The following GXYLT1 variants were observed in gnomAD, a reference collection of about 807,000 sequenced individuals.
GXYLT1 encodes the protein glycosyltransferase 8 domain containing 3.
Under a neutral mutation model 54.0 loss-of-function variants are expected in GXYLT1, and 29 were observed. That is an observed-to-expected ratio of 0.54 (90% CI 0.40 to 0.73). The LOEUF (loss-of-function observed/expected upper bound fraction) is 0.73, where lower values mean the gene tolerates loss of function less well. Among genes scored for constraint, GXYLT1 ranks in the 30% least tolerant of loss-of-function variants. The pLI is 0.00. For synonymous variants in GXYLT1, 176 were observed against 204.1 expected (o/e 0.86, Z 1.17); for missense variants, 490 against 553.4 (o/e 0.89, Z 1.15).
intron 5 of GXYLT1, among the ~76,000 whole-genome samples, chr12:42,103,417 A>G (rs2065401522): frequency 6.6e-6 from 1 of 152,274 alleles, no homozygotes; most frequent in South Asian, 2.1e-4. Context: ...CCATGAAGCA[A>G]CAATCGTGGA....
At chr12:42,124,439 T>C (rs908801076) in intron 2 of GXYLT1, among the ~76,000 whole-genome samples, 4 of 152,082 alleles carry the variant, frequency 2.6e-5, no homozygotes, top group Non-Finnish European at 4.4e-5. Context: ...CATATTATTC[T>C]AAGAGTTCAT....
At chr12:42,094,454 T>C (rs1182027273) in intron 7 of GXYLT1, among the ~76,000 whole-genome samples, 7 of 151,676 alleles carry the variant, frequency 4.6e-5, no homozygotes, top group Non-Finnish European at 8.8e-5. Flanking sequence ...GCTCGGTAAT[T>C]CAAGACCAGC....
intron 2 of GXYLT1, among the ~76,000 whole-genome samples, chr12:42,128,247 T>TG (rs2136914131): frequency 6.6e-6 from 1 of 152,316 alleles, no homozygotes; most frequent in East Asian, 1.9e-4. Context: ...AGAATAGGTT[T>TG]TAAATGTGCC....
Position 42,109,682 on chromosome 12 carries a change from A to G in GXYLT1, c.496T>C (p.Trp166Arg). The change falls in exon 4 of 8, where the codon TGG (tryptophan) becomes CGG (arginine). Residue 166 changes from tryptophan to arginine, a missense_variant. Trp to Arg is a moderately radical substitution (Grantham distance 101). Coordinates refer to ENST00000398675, the MANE Select transcript of GXYLT1 (RefSeq NM_173601.2). Reference protein sequence around the residue: ...HHSFKGRLDNWSFLQTFNYTL... With the variant: ...HHSFKGRLDNRSFLQTFNYTL... ...TAATTAAATGTTTGTAGAAATGACCAGTTGTCAAGCTAAAACAATTTAAAA... is the reference window on the plus strand; with the variant it reads ...TAATTAAATGTTTGTAGAAATGACCGGTTGTCAAGCTAAAACAATTTAAAA... 1 of 1,519,992 alleles carries G rather than the reference A, an allele frequency of 6.6e-7. No homozygotes were observed. Among genetic ancestry groups the G allele is most frequent in the Non-Finnish European group, 9.0e-7 (1 of 1,117,298 alleles). The allele number at this position is 1,519,992 out of a possible 1,614,324, so 94.2% of individuals were successfully genotyped here.
At position 42,144,653 on chromosome 12, in the gene GXYLT1, G is replaced by C; in HGVS notation, c.-7C>G. Reference sequence around the variant, plus strand: ...CGCGCAGGTAGCGCCGCATCGCCCCGGCCGCGCTCCTCCTTCGCCGCCGCC... The same window carrying C: ...CGCGCAGGTAGCGCCGCATCGCCCCCGCCGCGCTCCTCCTTCGCCGCCGCC... On this transcript the variant is annotated 5_prime_UTR_variant, in exon 1 of 8. Transcript: ENST00000398675. 1 of 1,377,602 alleles carries C rather than the reference G, an allele frequency of 7.3e-7. No individual in the cohort carries two copies. The highest frequency in any genetic ancestry group is 9.6e-7 in the Non-Finnish European group (1 of 1,039,600). The allele number at this position is 1,377,602 out of a possible 1,614,324, so 85.3% of individuals were successfully genotyped here.
intron 4 of GXYLT1, among the ~76,000 whole-genome samples, chr12:42,107,496 G>A (rs568297213): frequency 5.3e-5 from 8 of 152,272 alleles, no homozygotes; most frequent in African/African-American, 1.9e-4. Flanking sequence ...TTCGAGACCA[G>A]CCTGACCAAT....
chr12:42,088,900 C>CCACTGCAGTCCGCAGTCCGGCCTGGGCG (rs2065313228), intron 7 of GXYLT1, among the ~76,000 whole-genome samples: 2 of 39,650 alleles, frequency 5.0e-5, no homozygotes, highest in African/African-American at 6.3e-5. Context: ...CCACCCCAAG[C>CCACTGCAGTCCGCAGTCCGGCCTGGGCG]ACACTTAGTG....
intron 2 of GXYLT1, among the ~76,000 whole-genome samples, chr12:42,125,254 T>A (rs575951655): frequency 2.0e-5 from 3 of 152,154 alleles, no homozygotes; most frequent in Admixed American, 1.3e-4. Context: ...GTTGTAAACA[T>A]GATACAAAAC....
At chr12:42,140,450 TG>T (rs2065645648) in intron 1 of GXYLT1, among the ~76,000 whole-genome samples, 1 of 152,064 alleles carries the variant, frequency 6.6e-6, no homozygotes, top group Non-Finnish European at 1.5e-5. Flanking sequence ...TTAGCTAAAA[TG>T]TTGTTGTGTC....
chr12:42,095,481 A>C (rs2065350479), intron 7 of GXYLT1, among the ~76,000 whole-genome samples: 1 of 152,192 alleles, frequency 6.6e-6, no homozygotes, highest in Admixed American at 6.5e-5. Flanking sequence ...TAAATATAAA[A>C]AGCAAAGAAT....
At chr12:42,138,277 C>T (rs1206488982) in intron 1 of GXYLT1, among the ~76,000 whole-genome samples, 2 of 152,004 alleles carry the variant, frequency 1.3e-5, no homozygotes, top group Admixed American at 6.6e-5. Context: ...ACAGAGACTG[C>T]GTCTCAAATA....
Position 42,097,450 on chromosome 12 carries a change from G to T in GXYLT1, c.1153C>A (p.Leu385Met). Residue 385 changes from leucine (L) to methionine (M), a missense_variant, in exon 7 of 8, where the codon CTG (leucine) becomes ATG (methionine). Transcript: ENST00000398675. ...GGAAAGGCAAATCTTACATTTCTCA[G>T]TGCTTCATAAACAGCTCTAAATGCT... is the stretch of plus-strand genomic sequence containing the variant. ...QPAFRAVYEA[L>M]RNCSFEDDNI... 1 of 1,564,042 alleles carries T rather than the reference G, an allele frequency of 6.4e-7. No homozygotes were observed.
chr12:42,115,213 C>A (rs12313888), intron 3 of GXYLT1, among the ~76,000 whole-genome samples: 3,206 of 152,116 alleles, frequency 0.021, 115 homozygotes, highest in African/African-American at 0.072. Flanking sequence ...CCCTTTGAAA[C>A]CTGGCACAAG....
intron 1 of GXYLT1, among the ~76,000 whole-genome samples, chr12:42,134,292 G>A (rs1334248022): frequency 6.6e-6 from 1 of 152,076 alleles, no homozygotes; most frequent in East Asian, 1.9e-4. Flanking sequence ...CCTCATCTCA[G>A]ACTAGTCTCT....
intron 3 of GXYLT1, among the ~76,000 whole-genome samples, chr12:42,116,550 G>A (rs1196179382): frequency 6.6e-6 from 1 of 152,194 alleles, no homozygotes; most frequent in African/African-American, 2.4e-5. Context: ...CTGGCCATCA[G>A]AGAAATGCAA....
chr12:42,113,987 A>G (rs139261326), intron 3 of GXYLT1, among the ~76,000 whole-genome samples: 7,102 of 151,838 alleles, frequency 0.047, 239 homozygotes, highest in African/African-American at 0.087. Context: ...ACTCAAAACC[A>G]CTCAACTACA....
chr12:42,112,005 C>T (rs1167720557), intron 3 of GXYLT1, among the ~76,000 whole-genome samples: 1 of 152,234 alleles, frequency 6.6e-6, no homozygotes, highest in Non-Finnish European at 1.5e-5. Flanking sequence ...GCAGCCACTG[C>T]TGCTGATACC....
chr12:42,136,309 C>T (rs1034052162), intron 1 of GXYLT1, among the ~76,000 whole-genome samples: 1 of 152,138 alleles, frequency 6.6e-6, no homozygotes, highest in Non-Finnish European at 1.5e-5. Context: ...GGTAGTTATC[C>T]AGGTTCTGGC....
chr12:42,106,465 T>C (rs2065421847), intron 4 of GXYLT1, among the ~76,000 whole-genome samples: 1 of 152,208 alleles, frequency 6.6e-6, no homozygotes, highest in Non-Finnish European at 1.5e-5. Context: ...TTTTCTGAAC[T>C]TATTCCCCTT....
Sources: allele counts gnomAD v4.1 joint callset (sites outside exome capture counted in the v4.1 genomes callset), GRCh38; gene constraint gnomAD v4.1.1; transcripts MANE v1.5; gene names NCBI Gene and HGNC (gene_info 2026-07-23, HGNC 2026-07-21).